The following BCAS4 variants were observed in gnomAD, a reference collection of about 807,000 sequenced individuals.
BCAS4 encodes the protein breast carcinoma-amplified sequence 4.
In BCAS4, 9 loss-of-function variants were observed where a neutral mutation model predicts 15.7. The ratio of observed to expected loss-of-function variants is 0.57; its 90% CI spans 0.34 to 1.00. The LOEUF (loss-of-function observed/expected upper bound fraction) is 1.00, where lower values mean the gene tolerates loss of function less well. Among genes scored for constraint, BCAS4 ranks in the 50% least tolerant of loss-of-function variants. The pLI, the probability that BCAS4 is intolerant of heterozygous loss-of-function variation, is 0.02. For synonymous variants in BCAS4, 101 were observed against 99.5 expected, an observed-to-expected ratio of 1.02 and a Z score of -0.09; for missense variants, 225 against 239.1, an observed-to-expected ratio of 0.94 and a Z score of 0.39.
chr20:50,850,603 G>A (rs1978356544), intron 4 of BCAS4, among the ~76,000 whole-genome samples: 1 of 151,740 alleles, frequency 6.6e-6, no homozygotes. Flanking sequence ...CCTTCTGACA[G>A]CAAGTAGTTT....
intron 2 of BCAS4, among the ~76,000 whole-genome samples, chr20:50,826,818 A>G (rs1179302530): frequency 2.0e-5 from 3 of 152,154 alleles, no homozygotes; most frequent in African/African-American, 7.2e-5. Context: ...AAGATAAACA[A>G]TTAGCTGGGC....
intron 4 of BCAS4, among the ~76,000 whole-genome samples, chr20:50,855,358 A>G (rs575007561): frequency 6.6e-6 from 1 of 150,460 alleles, no homozygotes; most frequent in African/African-American, 2.5e-5. Flanking sequence ...GCGTCTCTCC[A>G]TGTGTCTCTG....
chr20:50,844,106 A>G (rs1281402094), intron 4 of BCAS4, among the ~76,000 whole-genome samples: 1 of 151,282 alleles, frequency 6.6e-6, no homozygotes, highest in Admixed American at 6.6e-5. Flanking sequence ...CCGAGATCGC[A>G]TGACTGCACT....
chr20:50,808,038 G>C (rs2088015277), intron 1 of BCAS4, among the ~76,000 whole-genome samples: 1 of 151,660 alleles, frequency 6.6e-6, no homozygotes, highest in African/African-American at 2.4e-5. Context: ...CTCCCGAGTA[G>C]CTGGGATTAC....
chr20:50,818,401 G>T, intron 2 of BCAS4, 119 bp downstream of exon 2: 2 of 958,644 alleles, frequency 2.1e-6, no homozygotes, highest in South Asian at 1.5e-5. Context: ...TGGGGCAGCG[G>T]CCAGCGCTGA....
At chr20:50,825,924 A>G (rs764164953) in intron 2 of BCAS4, among the ~76,000 whole-genome samples, 5 of 152,066 alleles carry the variant, frequency 3.3e-5, no homozygotes, top group African/African-American at 4.8e-5. Flanking sequence ...ATAAGGGGGA[A>G]AAAAAGAGAC....
chr20:50,828,036 T>A (rs6020775), intron 2 of BCAS4, among the ~76,000 whole-genome samples: 8,233 of 145,408 alleles, frequency 0.057, 244 homozygotes, highest in African/African-American at 0.079. Context: ...CCTTCAAAAA[T>A]TTTTTTTTTT....
chr20:50,853,866 T>C lies in BCAS4; in HGVS notation c.399+11966T>C, dbSNP rs1978609147. Among the ~76,000 whole-genome samples the C allele has an allele frequency of 1.3e-5, 2 of 151,326 alleles. 1 individual carries two copies. The highest frequency in any genetic ancestry group is 2.9e-5 in the Non-Finnish European group (2 of 67,884). ...TGTGCACTGTAGATGTTTTGTATAC[T>C]CGGGGATGTTTTGTGCACTGGTGGG... On this transcript the variant is annotated intron_variant, in intron 4 of 4. Transcript: ENST00000371608.
chr20:50,867,992 C>T (rs1206459111), intron 4 of BCAS4, among the ~76,000 whole-genome samples: 1 of 152,174 alleles, frequency 6.6e-6, no homozygotes, highest in Admixed American at 6.5e-5. Context: ...TCAGACTTTC[C>T]TTGTTTTTGA....
chr20:50,804,132 G>A (rs557655345), intron 1 of BCAS4, among the ~76,000 whole-genome samples: 20 of 152,188 alleles, frequency 1.3e-4, no homozygotes, highest in South Asian at 4.2e-4. Flanking sequence ...TCTGCCTCCC[G>A]GGTTCAAGCG....
At chr20:50,834,724 C>T (rs553392617) in intron 3 of BCAS4, among the ~76,000 whole-genome samples, 25 of 152,310 alleles carry the variant, frequency 1.6e-4, no homozygotes, top group Admixed American at 2.6e-4. Context: ...ATTCCCCAGC[C>T]CCCGGCTCTG....
intron 4 of BCAS4, among the ~76,000 whole-genome samples, chr20:50,844,098 G>A (rs547139093): frequency 4.0e-5 from 6 of 151,646 alleles, no homozygotes; most frequent in East Asian, 3.9e-4. Flanking sequence ...TCGGTGAGCC[G>A]AGATCGCATG....
At chr20:50,872,051 G>A (rs1391937124) in intron 4 of BCAS4, among the ~76,000 whole-genome samples, 1 of 150,958 alleles carries the variant, frequency 6.6e-6, no homozygotes, top group East Asian at 2.0e-4. Flanking sequence ...CTTGAGGTCA[G>A]GAGTTCAAGA....
rs1216001393 is a variant in BCAS4 at position 50,851,281 on chromosome 20, G to A, written c.399+9381G>A. Among the ~76,000 whole-genome samples the A allele has an allele frequency of 6.6e-6, 1 of 152,284 alleles. No individual in the cohort carries two copies. The highest frequency in any genetic ancestry group is 1.9e-4 in the East Asian group (1 of 5,180). On this transcript the variant is annotated intron_variant, in intron 4 of 4. Transcript: ENST00000371608. The surrounding 1 kb of genome is among the most constrained non-coding windows in gnomAD (Gnocchi z 4.3). Reference sequence around the variant, plus strand: ...CAGCCCTTGCAGTAAAAATGCAGCAGGAGCAGATAGCAAATATGAGGACCA... The same window carrying A: ...CAGCCCTTGCAGTAAAAATGCAGCAAGAGCAGATAGCAAATATGAGGACCA...
intron 3 of BCAS4, among the ~76,000 whole-genome samples, chr20:50,833,262 A>T (rs188810568): frequency 7.9e-5 from 12 of 152,304 alleles, no homozygotes; most frequent in Admixed American, 6.5e-4. Flanking sequence ...GGGCCGAAGA[A>T]ACTGGCAGCA....
At chr20:50,876,355 C>A in intron 4 of BCAS4, 131 bp from the exon 5 acceptor site, 1 of 1,261,182 alleles carries the variant, frequency 7.9e-7, no homozygotes, top group Non-Finnish European at 1.1e-6. Flanking sequence ...ACAGGCAGTG[C>A]TGTCAGAGGA....
intron 2 of BCAS4, among the ~76,000 whole-genome samples, chr20:50,822,299 A>G (rs2088225800): frequency 6.6e-6 from 1 of 152,230 alleles, no homozygotes; most frequent in Non-Finnish European, 1.5e-5. Flanking sequence ...AAACTGACAC[A>G]GTGTCACTTC....
intron 4 of BCAS4, among the ~76,000 whole-genome samples, chr20:50,854,672 C>T (rs183191254): frequency 1.3e-5 from 2 of 152,280 alleles, no homozygotes; most frequent in East Asian, 3.9e-4. Context: ...CTTGGCACAG[C>T]GCTAGCACAT....
chr20:50,820,701 A>G (rs2088203380), intron 2 of BCAS4, among the ~76,000 whole-genome samples: 1 of 152,202 alleles, frequency 6.6e-6, no homozygotes. Flanking sequence ...CATGTGGCCC[A>G]GCCCTGAAAA....
Sources: gnomAD v4.1 joint callset for allele counts (sites outside exome capture counted in the v4.1 genomes callset) on GRCh38, gnomAD v4.1.1 for gene constraint, Gnocchi (gnomAD v3.1) non-coding constraint, MANE v1.5 for transcripts, NCBI Gene and HGNC (gene_info 2026-07-23, HGNC 2026-07-21) for gene names.